The following IMMP2L variants were observed in gnomAD, a reference collection of about 807,000 sequenced individuals.
IMMP2L encodes inner mitochondrial membrane peptidase subunit 2, also known as mitochondrial inner membrane protease subunit 2.
A neutral mutation model predicts 19.3 loss-of-function variants in IMMP2L; 18 were observed. The ratio of observed to expected loss-of-function variants is 0.93; its 90% CI spans 0.64 to 1.38. The LOEUF (loss-of-function observed/expected upper bound fraction) is 1.38, where lower values mean the gene tolerates loss of function less well. Among genes scored for constraint, IMMP2L ranks in the 40% most tolerant of loss-of-function variants. The pLI is 0.00. For synonymous variants in IMMP2L, 76 were observed against 73.0 expected (o/e 1.04, Z -0.21); for missense variants, 233 against 218.2 (o/e 1.07, Z -0.43).
At chr7:110,674,674 A>C (rs1235404939) in intron 5 of IMMP2L, among the ~76,000 whole-genome samples, 1 of 152,212 alleles carries the variant, frequency 6.6e-6, no homozygotes, top group East Asian at 1.9e-4. Context: ...AAAATTTGAA[A>C]TGTTGTTCTA....
intron 3 of IMMP2L, among the ~76,000 whole-genome samples, chr7:111,103,846 A>T (rs976042443): frequency 1.3e-5 from 2 of 151,660 alleles, no homozygotes; most frequent in African/African-American, 4.8e-5. Flanking sequence ...GGAAACAATG[A>T]CATGGCAGCA....
intron 3 of IMMP2L, among the ~76,000 whole-genome samples, chr7:111,185,451 A>T (rs981360071): frequency 6.6e-6 from 1 of 152,160 alleles, no homozygotes; most frequent in African/African-American, 2.4e-5. Flanking sequence ...GAAATTCCAG[A>T]TGTCAGGAGG....
intron 3 of IMMP2L, chr7:111,091,198 C>T (rs562485574): frequency 3.3e-5 from 5 of 152,202 alleles, no homozygotes; most frequent in Non-Finnish European, 5.9e-5. Flanking sequence ...ATAAAGCCAG[C>T]TCACAGGATC....
chr7:111,475,917 T>C (rs1378803536), intron 3 of IMMP2L, among the ~76,000 whole-genome samples: 1 of 152,144 alleles, frequency 6.6e-6, no homozygotes, highest in African/African-American at 2.4e-5. Context: ...GAATTTCTAT[T>C]TCATGTGCCA....
At position 110,788,700 on chromosome 7, in the gene IMMP2L, C is replaced by T. The variant is rs375652072; in HGVS notation, c.408+97893G>A. ...CAATGCCAAAATCGAATTAATTTTG[C>T]GCTCCGATGCACACCTGCTATTCTC... is the stretch of plus-strand genomic sequence containing the variant. On this transcript the variant is annotated intron_variant, in intron 5 of 5. Transcript: ENST00000405709. Among the ~76,000 whole-genome samples the T allele has an allele frequency of 5.3e-5, 8 of 151,730 alleles. No individual in the cohort carries two copies. In the East Asian group the frequency reaches 5.8e-4, roughly 11 times the overall value.
At chr7:111,128,908 C>G (rs564862409) in intron 3 of IMMP2L, among the ~76,000 whole-genome samples, 1 of 152,222 alleles carries the variant, frequency 6.6e-6, no homozygotes, top group East Asian at 1.9e-4. Flanking sequence ...ATTTCAAACT[C>G]AAAGAGAAAA....
At chr7:110,714,242 G>A (rs1354282978) in intron 5 of IMMP2L, among the ~76,000 whole-genome samples, 1 of 152,148 alleles carries the variant, frequency 6.6e-6, no homozygotes, top group Non-Finnish European at 1.5e-5. Flanking sequence ...ACTTGCGTAT[G>A]TTGAACCAAA....
At chr7:111,438,682 A>G (rs1280605396) in intron 3 of IMMP2L, among the ~76,000 whole-genome samples, 1 of 151,894 alleles carries the variant, frequency 6.6e-6, no homozygotes, top group African/African-American at 2.4e-5. Context: ...TGATAGGCAA[A>G]AGAAAGCAGA....
intron 4 of IMMP2L, among the ~76,000 whole-genome samples, chr7:110,956,271 T>A (rs564735987): frequency 3.3e-5 from 5 of 152,200 alleles, no homozygotes; most frequent in African/African-American, 1.2e-4. Context: ...CATGATTCTC[T>A]ATTTCCGATT....
At chr7:110,704,808 G>A (rs900091297) in intron 5 of IMMP2L, among the ~76,000 whole-genome samples, 7 of 152,174 alleles carry the variant, frequency 4.6e-5, no homozygotes, top group African/African-American at 1.4e-4. Context: ...TAATTACCCA[G>A]TTGGGAGGTT....
chr7:110,800,211 G>GA (rs1801149510), intron 5 of IMMP2L, among the ~76,000 whole-genome samples: 1 of 151,898 alleles, frequency 6.6e-6, no homozygotes, highest in African/African-American at 2.4e-5. Flanking sequence ...AGATCATTAG[G>GA]AAGTGTGAGA....
rs6956469 is a variant in IMMP2L at position 111,084,319 on chromosome 7, G to A, written c.240-120754C>T. Among the ~76,000 whole-genome samples the A allele has an allele frequency of 8.5e-3, 1,136 of 133,998 alleles. 18 individuals are homozygous for A. The highest frequency in any genetic ancestry group is 0.029 in the African/African-American group (1,069 of 37,322). 87.9% of individuals were successfully genotyped at this position (133,998 alleles called of 152,430 possible). ...TAAAATTAAAAAAAAAAAAAAAAAA[G>A]AAAGGAAAAAAGAAGAAAGCCAGTT... On this transcript the variant is annotated intron_variant, in intron 3 of 5. Coordinates refer to ENST00000405709, the MANE Select transcript of IMMP2L (RefSeq NM_032549.4).
At chr7:111,426,876 C>A (rs1360550765) in intron 3 of IMMP2L, among the ~76,000 whole-genome samples, 2 of 151,044 alleles carry the variant, frequency 1.3e-5, no homozygotes, top group East Asian at 3.9e-4. Context: ...TAGTAATTAA[C>A]AATAAAAAAT....
chr7:111,406,935 G>A (rs1240685458), intron 3 of IMMP2L, among the ~76,000 whole-genome samples: 6 of 152,036 alleles, frequency 3.9e-5, no homozygotes, highest in Non-Finnish European at 4.4e-5. Flanking sequence ...AGGAACCTCT[G>A]CAGTGGGTAT....
intron 3 of IMMP2L, among the ~76,000 whole-genome samples, chr7:111,094,020 A>G (rs1797141531): frequency 6.6e-6 from 1 of 152,152 alleles, no homozygotes; most frequent in South Asian, 2.1e-4. Context: ...TTAGTGACCT[A>G]CAAAAAAGGT....
chr7:111,494,092 G>T (rs1014362330), intron 2 of IMMP2L, among the ~76,000 whole-genome samples: 2 of 152,106 alleles, frequency 1.3e-5, no homozygotes, highest in African/African-American at 4.8e-5. Flanking sequence ...ATTTGATATG[G>T]CCACAGAATC....
chr7:110,794,836 T>C (rs1800752689), intron 5 of IMMP2L, among the ~76,000 whole-genome samples: 2 of 152,076 alleles, frequency 1.3e-5, no homozygotes, highest in South Asian at 2.1e-4. Context: ...CGAATACATA[T>C]ATTCATTAAT....
At chr7:111,429,806 T>C (rs1438006922) in intron 3 of IMMP2L, among the ~76,000 whole-genome samples, 1 of 151,890 alleles carries the variant, frequency 6.6e-6, no homozygotes, top group Non-Finnish European at 1.5e-5. Context: ...ACTTTTCATG[T>C]GGGCAAAATA....
At chr7:110,680,842 A>G (rs2130441952) in intron 5 of IMMP2L, among the ~76,000 whole-genome samples, 1 of 152,292 alleles carries the variant, frequency 6.6e-6, no homozygotes, top group South Asian at 2.1e-4. Flanking sequence ...ATGTGAAGAC[A>G]CAGAAACAGA....
Sources: gnomAD v4.1 joint callset for allele counts (sites outside exome capture counted in the v4.1 genomes callset) on GRCh38, gnomAD v4.1.1 for gene constraint, MANE v1.5 for transcripts, NCBI Gene and HGNC (gene_info 2026-07-23, HGNC 2026-07-21) for gene names.